The following CCAR2 variants were observed in gnomAD, a reference collection of about 807,000 sequenced individuals.
CCAR2 encodes cell cycle and apoptosis regulator 2, also known as cell cycle and apoptosis regulator protein 2.
CCAR2 carries 21 observed loss-of-function variants against 108.1 expected under a neutral mutation model. That is an observed-to-expected ratio of 0.19 (90% confidence interval 0.14 to 0.28). The LOEUF (loss-of-function observed/expected upper bound fraction) is 0.28, where lower values mean the gene tolerates loss of function less well. Ranked by LOEUF, CCAR2 falls within the 10% of genes least tolerant of loss-of-function variation. The pLI is 1.00. For missense variants in CCAR2, 1,126 were observed against 1,177.0 expected (o/e 0.96, Z 0.63); for synonymous variants, 577 against 472.8 (o/e 1.22, Z -2.86).
At position 22,619,890 on chromosome 8, in the gene CCAR2, T is replaced by TAACAACTAAATACAACATC. The variant is rs1196757309; in HGVS notation, c.*209_*227dup. The TAACAACTAAATACAACATC allele has an allele frequency of 3.4e-6, 2 of 592,380 alleles. No individual in the cohort carries two copies. The highest frequency in any genetic ancestry group is 1.9e-5 in the African/African-American group (1 of 53,884). The allele number at this position is 592,380 out of a possible 1,614,324, so 36.7% of individuals were successfully genotyped here. A position where few individuals can be genotyped will look rare whatever the true frequency, so the allele number is the denominator to read the frequency against. ...ATGTGTGAGGAACCCCGGTTCCACT[T>TAACAACTAAATACAACATC]AACAACTAAATACAACATCTTTTGC... On this transcript the variant is annotated 3_prime_UTR_variant, in exon 21 of 21. Coordinates refer to ENST00000308511, the MANE Select transcript of CCAR2 (RefSeq NM_001393997.1).
In CCAR2 at chr8:22,617,776, A is replaced by G. The variant is rs200771838; in HGVS notation, c.2071A>G (p.Met691Val). The change falls in exon 16 of 21, where the codon ATG becomes GTG. Residue 691 changes from methionine (M) to valine (V), a missense_variant and splice_region_variant. By Grantham distance (21) the Met-to-Val change is conservative (BLOSUM62 1). Transcript: ENST00000308511. ...GATGGAGTTCTCTTCACTTCAGGACATGGTGAGGCCTCTTCTCGACCACTC... is the reference window on the plus strand; with the variant it reads ...GATGGAGTTCTCTTCACTTCAGGACGTGGTGAGGCCTCTTCTCGACCACTC... ...SEMEFSSLQD[M>V]PKELDPSAVL... 6.2e-7 allele frequency: 1 copy of G among 1,613,408 alleles called. No homozygotes were observed. The highest frequency in any genetic ancestry group is 8.5e-7 in the Non-Finnish European group (1 of 1,179,952).
chr8:22,617,777 T>C lies in CCAR2; in HGVS notation c.2072T>C (p.Met691Thr). ...ATGGAGTTCTCTTCACTTCAGGACATGGTGAGGCCTCTTCTCGACCACTCT... is the reference window on the plus strand; with the variant it reads ...ATGGAGTTCTCTTCACTTCAGGACACGGTGAGGCCTCTTCTCGACCACTCT... ...SEMEFSSLQD[M>T]PKELDPSAVL... The change falls in exon 16 of 21, where the codon ATG becomes ACG. Residue 691 changes from methionine to threonine, a missense_variant and splice_region_variant. By Grantham distance (81) the Met-to-Thr change is moderately conservative. This residue lies in a region of CCAR2 where 1,013 missense variants were observed against 993.9 expected (regional missense o/e 1.02). Transcript: ENST00000308511. 1 of 1,613,368 alleles carries C rather than the reference T, an allele frequency of 6.2e-7. No homozygotes were observed. The highest frequency in any genetic ancestry group is 8.5e-7 in the Non-Finnish European group (1 of 1,179,944).
In CCAR2 at chr8:22,606,033, G is replaced by A. The variant is rs1801065167; in HGVS notation, c.59-52G>A. 4.0e-6 allele frequency: 6 copies of A among 1,513,628 alleles called. No homozygotes were observed. In the Admixed American group the frequency reaches 8.4e-5, roughly 21 times the overall value. The allele number at this position is 1,513,628 out of a possible 1,614,324, so 93.8% of individuals were successfully genotyped here. A position where few individuals can be genotyped will look rare whatever the true frequency, so the allele number is the denominator to read the frequency against. ...ATTTACCACATCCTTTGGTTGACTC[G>A]TGCTTAAGGTGGTAGGGGCGGTTCC... is the stretch of plus-strand genomic sequence containing the variant. On this transcript the variant is annotated intron_variant, in intron 2 of 20. Coordinates refer to ENST00000308511, the MANE Select transcript of CCAR2 (RefSeq NM_001393997.1).
intron 1 of CCAR2, 78 bp downstream of exon 1, chr8:22,604,920 C>G: frequency 2.7e-6 from 1 of 369,216 alleles, no homozygotes; most frequent in South Asian, 1.9e-5. Context: ...CTGCGAGGGC[C>G]GGGCGGCGAA....
chr8:22,620,780 T>C (rs1490958966), downstream of CCAR2: 2 of 152,274 alleles, frequency 1.3e-5, no homozygotes, highest in African/African-American at 4.8e-5. Context: ...ACAAACCCAC[T>C]GTTCCTGCTT....
chr8:22,616,865 G>GTTT (rs1801533298), intron 14 of CCAR2, among the ~76,000 whole-genome samples: 2 of 82,624 alleles, frequency 2.4e-5, no homozygotes, highest in African/African-American at 4.1e-5. Context: ...ATACTAGTCT[G>GTTT]CTTTTTTTTT....
intron 7 of CCAR2, among the ~76,000 whole-genome samples, chr8:22,608,407 C>A (rs1433844537): frequency 6.6e-6 from 1 of 152,208 alleles, no homozygotes; most frequent in East Asian, 1.9e-4. Context: ...TGGAAACTCT[C>A]AATAGTAACA....
Position 22,605,795 on chromosome 8 carries a change from C to A in CCAR2, c.22C>A (p.Arg8=), listed in dbSNP as rs200959219. 1.9e-6 allele frequency: 3 copies of A among 1,613,870 alleles called. No homozygotes were observed. In the African/African-American group the frequency reaches 4.0e-5, roughly 22 times the overall value. Residue 8 remains arginine, a synonymous_variant, in exon 2 of 21, where the codon CGG becomes AGG. Coordinates refer to ENST00000308511, the MANE Select transcript of CCAR2 (RefSeq NM_001393997.1). The part of the protein sequence containing the change: MSQFKRQ[R]INPLPGGRNF... ...CCCAATGTCCCAGTTTAAGCGCCAG[C>A]GGATCAACCCGCTTCCAGGGGGACG...
In CCAR2 at chr8:22,619,656, A is replaced by G. The variant is rs202120717; in HGVS notation, c.2746A>G (p.Lys916Glu). Residue 916 changes from lysine (K) to glutamate (E), a missense_variant, in exon 21 of 21, where the codon AAG (lysine) becomes GAG (glutamate). Transcript: ENST00000308511. The part of the protein sequence containing the change: ...VVEKADSWVE[K>E]EEPAPSN ...CAAACAGGCTGACAGCTGGGTGGAG[A>G]AGGAGGAGCCGGCACCTAGCAACTG... 1.4e-4 allele frequency: 222 copies of G among 1,575,462 alleles called. No homozygotes were observed. Among genetic ancestry groups the G allele is most frequent in the East Asian group, 3.5e-4 (15 of 42,914 alleles).
chr8:22,615,647 G>A, intron 12 of CCAR2, 35 bp from the exon 13 acceptor site: 1 of 1,613,566 alleles, frequency 6.2e-7, no homozygotes, highest in Admixed American at 1.7e-5. Flanking sequence ...CCTAATCCCG[G>A]GACCCAGAGG....
rs1226319931 is a variant in CCAR2, at chr8:22,614,194, G to A, written c.807G>A (p.Leu269=). Residue 269 remains leucine (L), a synonymous_variant, in exon 9 of 21, where the codon CTG becomes CTA. Transcript: ENST00000308511. ...TGAGTTGGCTATCAGCCTTCCCCCT[G>A]AGCCAGCCCTTTTCCCTCCATCATC... ...VHLSWLSAFP[L]SQPFSLHHPS... 1 of 1,614,022 alleles carries A rather than the reference G, an allele frequency of 6.2e-7. No homozygotes were observed. The highest frequency in any genetic ancestry group is 8.5e-7 in the Non-Finnish European group (1 of 1,180,038).
At chr8:22,612,931 G>T (rs773909565) in intron 7 of CCAR2, 86 bp from the exon 8 acceptor site, 19 of 1,418,030 alleles carry the variant, frequency 1.3e-5, no homozygotes, top group Admixed American at 8.9e-5. Flanking sequence ...GAGGGATTTC[G>T]ATTGTTTCCA....
chr8:22,618,381 C>T lies in CCAR2; in HGVS notation c.2106C>T (p.Pro702=), dbSNP rs540520472. ...AGCTGGATCCCTCTGCTGTGCTCCC[C>T]TTAGACTGTCTGCTTGCTTTTGTGT... ...PKELDPSAVL[P]LDCLLAFVFF... is the part of the protein sequence containing the mutation. The change falls in exon 17 of 21, where the codon CCC becomes CCT. Residue 702 remains proline (P), a synonymous_variant. Coordinates refer to ENST00000308511, the MANE Select transcript of CCAR2 (RefSeq NM_001393997.1). 1.9e-6 allele frequency: 3 copies of T among 1,614,238 alleles called. No homozygotes were observed. Among genetic ancestry groups the T allele is most frequent in the Non-Finnish European group, 2.5e-6 (3 of 1,180,030 alleles).
At chr8:22,608,884 A>C (rs1307852292) in intron 7 of CCAR2, among the ~76,000 whole-genome samples, 1 of 152,208 alleles carries the variant, frequency 6.6e-6, no homozygotes, top group Non-Finnish European at 1.5e-5. Flanking sequence ...AGCTTCTTCA[A>C]GTATCAGCTA....
intron 11 of CCAR2, 178 bp from the exon 12 acceptor site, chr8:22,615,247 C>T: frequency 1.1e-6 from 1 of 901,566 alleles, no homozygotes; most frequent in Non-Finnish European, 1.7e-6. Context: ...TGCGGCCTCC[C>T]CACTGACTGA....
rs765095345 is a variant in CCAR2, at chr8:22,615,463, C to G, written c.1244C>G (p.Pro415Arg). The G allele has an allele frequency of 1.1e-5, 17 of 1,613,782 alleles. No homozygotes were observed. Among genetic ancestry groups the G allele is most frequent in the Non-Finnish European group, 1.4e-5 (16 of 1,180,002 alleles). The change falls in exon 12 of 21, where the codon CCC (proline) becomes CGC (arginine). Residue 415 changes from proline to arginine, a missense_variant. Coordinates refer to ENST00000308511, the MANE Select transcript of CCAR2 (RefSeq NM_001393997.1). ...GAGTTTCAGTACCTGCAGCCGGGAC[C>G]CCCCCGGCGGCTTCAGACAGTGGTG... Reference protein sequence around the residue: ...FAEFQYLQPGPPRRLQTVVVY... With the variant: ...FAEFQYLQPGRPRRLQTVVVY...
intron 16 of CCAR2, 138 bp downstream of exon 16, chr8:22,617,916 A>G: frequency 2.4e-6 from 2 of 829,846 alleles, no homozygotes; most frequent in East Asian, 2.5e-5. Flanking sequence ...TCCTTGGCTC[A>G]TGGAAGGGCA....
Position 22,616,245 on chromosome 8 carries a change from G to A in CCAR2, c.1842G>A (p.Pro614=), listed in dbSNP as rs190384530. The A allele has an allele frequency of 3.8e-5, 62 of 1,611,988 alleles. No homozygotes were observed. In the East Asian group the frequency reaches 4.9e-4, roughly 13 times the overall value. ...NEGPATESEA[P]LKEDGLLPKP... ...GCCCGGCTACAGAGTCAGAGGCCCC[G>A]CTGGTGAGTACCCTGCCACCTCGGG... is the stretch of plus-strand genomic sequence containing the variant. Residue 614 remains proline (P), a synonymous_variant, in exon 14 of 21, where the codon CCG becomes CCA. Transcript: ENST00000308511.
chr8:22,617,008 C>T lies in CCAR2; in HGVS notation c.1846-412C>T, dbSNP rs117408573. 2.2e-3 allele frequency among the ~76,000 whole-genome samples: 326 copies of T among 149,990 alleles called. 8 individuals are homozygous for T. In the East Asian group the frequency reaches 0.061, roughly 28 times the overall value. ...ACGATTCTCCTGCCTCAGCCTCTCTCCAGTAGGTGGGATTACAGGCACCTA... is the reference window on the plus strand; with the variant it reads ...ACGATTCTCCTGCCTCAGCCTCTCTTCAGTAGGTGGGATTACAGGCACCTA... On this transcript the variant is annotated intron_variant, in intron 14 of 20. Transcript: ENST00000308511.
Sources: allele counts gnomAD v4.1 joint callset (sites outside exome capture counted in the v4.1 genomes callset), GRCh38; gene constraint gnomAD v4.1.1; regional missense constraint gnomAD v4.1.1; transcripts MANE v1.5; gene names NCBI Gene and HGNC (gene_info 2026-07-23, HGNC 2026-07-21).